Variants in TNFAIP2 observed in about 807,000 individuals in gnomAD.
The protein encoded by TNFAIP2 is tumor necrosis factor alpha-induced protein 2.
Under a neutral mutation model 63.5 loss-of-function variants are expected in TNFAIP2, and 47 were observed. That is an observed-to-expected ratio of 0.74 (90% confidence interval 0.59 to 0.94). The LOEUF is 0.94. Ranked by LOEUF, TNFAIP2 falls within the 40% of genes least tolerant of loss-of-function variation. The pLI is 0.00. For missense variants in TNFAIP2, 787 were observed against 850.2 expected (o/e 0.93, Z 0.92); for synonymous variants, 405 against 390.2 (o/e 1.04, Z -0.45).
upstream of TNFAIP2, chr14:103,123,411 C>T (rs576198438): frequency 1.8e-4 from 27 of 151,724 alleles, no homozygotes; most frequent in African/African-American, 6.3e-4. Context: ...GCGGGCGGGG[C>T]GGGGCTGACT....
Position 103,135,874 on chromosome 14 carries a change from G to A in TNFAIP2, c.*514G>A. 1 of 1,290,388 alleles carries A rather than the reference G, an allele frequency of 7.7e-7. No individual in the cohort carries two copies. Among genetic ancestry groups the A allele is most frequent in the Non-Finnish European group, 1.0e-6 (1 of 989,504 alleles). The allele number at this position is 1,290,388 out of a possible 1,614,324, so 79.9% of individuals were successfully genotyped here. A position where few individuals can be genotyped will look rare whatever the true frequency, so the allele number is the denominator to read the frequency against. On this transcript the variant is annotated 3_prime_UTR_variant, in exon 12 of 12. Coordinates refer to ENST00000560869, the MANE Select transcript of TNFAIP2 (RefSeq NM_006291.4). The surrounding 1 kb of genome is among the most constrained non-coding windows in gnomAD (Gnocchi z 7.6). ...GAAGACAGAACTGGAAGAGAAAGAAGGAAAAGATGAGCTCTCGTCTGGCAG... is the reference window on the plus strand; with the variant it reads ...GAAGACAGAACTGGAAGAGAAAGAAAGAAAAGATGAGCTCTCGTCTGGCAG...
Position 103,130,372 on chromosome 14 carries a change from A to G in TNFAIP2, c.1156A>G (p.Ile386Val), listed in dbSNP as rs939147113. Residue 386 changes from isoleucine to valine, a missense_variant, in exon 6 of 12, where the codon ATA becomes GTA. Transcript: ENST00000560869. ...CATCACGCTGGACTTGGGCTCACAG[A>G]TAAAGCGGGTGCTGCTGGTGGAGCT... ...ESITLDLGSQ[I>V]KRVLLVELPA... is the part of the protein sequence containing the mutation. 3 of 1,570,248 alleles carry G rather than the reference A, an allele frequency of 1.9e-6. No individual in the cohort carries two copies. The highest frequency in any genetic ancestry group is 3.7e-5 in the Admixed American group (2 of 53,414).
In TNFAIP2 at chr14:103,127,025, C is replaced by A; in HGVS notation, c.256C>A (p.Leu86Met). The change falls in exon 3 of 12, where the codon CTG becomes ATG. Residue 86 changes from leucine to methionine, a missense_variant. By Grantham distance (15) the Leu-to-Met change is conservative. Around this residue, in one of 3 missense-constraint regions of TNFAIP2, gnomAD observed 258 missense variants for 228.9 expected, o/e 1.13. Coordinates refer to ENST00000560869, the MANE Select transcript of TNFAIP2 (RefSeq NM_006291.4). This position sits in a 1 kb window ranked among gnomAD's most constrained non-coding sequence, Gnocchi z 5.1. ...PPTVEELKAA[L>M]ERGQLEAARP... is the part of the protein sequence containing the mutation. ...CGCAGTGGAGGAGCTGAAGGCGGCG[C>A]TGGAGCGCGGGCAGCTGGAGGCGGC... The A allele has an allele frequency of 8.5e-7, 1 of 1,180,504 alleles. No homozygotes were observed. Among genetic ancestry groups the A allele is most frequent in the Non-Finnish European group, 1.0e-6 (1 of 952,726 alleles). 73.1% of individuals were successfully genotyped at this position (1,180,504 alleles called of 1,614,324 possible).
chr14:103,135,916 G>T lies in TNFAIP2; in HGVS notation c.*556G>T. On this transcript the variant is annotated 3_prime_UTR_variant, in exon 12 of 12. Transcript: ENST00000560869. The surrounding 1 kb of genome is among the most constrained non-coding windows in gnomAD (Gnocchi z 7.6). ...GTCTGGCAGGGGCTTTTAGGGTCCT[G>T]TGGCGAGCTGTGAGCACCGCCAGCA... The T allele has an allele frequency of 7.8e-7, 1 of 1,289,846 alleles. No individual in the cohort carries two copies. The highest frequency in any genetic ancestry group is 1.0e-6 in the Non-Finnish European group (1 of 989,134). 79.9% of individuals were successfully genotyped at this position (1,289,846 alleles called of 1,614,324 possible).
Position 103,131,269 on chromosome 14 carries a change from C to T in TNFAIP2, c.1298+119C>T, listed in dbSNP as rs889445710. 2 of 1,114,738 alleles carry T rather than the reference C, an allele frequency of 1.8e-6. No homozygotes were observed. Among genetic ancestry groups the T allele is most frequent in the Non-Finnish European group, 2.7e-6 (2 of 752,288 alleles). The allele number at this position is 1,114,738 out of a possible 1,614,324, so 69.1% of individuals were successfully genotyped here. A position where few individuals can be genotyped will look rare whatever the true frequency, so the allele number is the denominator to read the frequency against. On this transcript the variant is annotated intron_variant, in intron 7 of 11. Coordinates refer to ENST00000560869, the MANE Select transcript of TNFAIP2 (RefSeq NM_006291.4). The surrounding 1 kb of genome is among the most constrained non-coding windows in gnomAD (Gnocchi z 4.0). ...CAAGAAGTGGAATTCAAACCAGCAA[C>T]ATGTGTGAGGACTCCACGGCCTGCA...
chr14:103,125,628 G>T (rs565970172), intron 1 of TNFAIP2, among the ~76,000 whole-genome samples: 2 of 152,184 alleles, frequency 1.3e-5, no homozygotes, highest in African/African-American at 4.8e-5. Flanking sequence ...ACTTCAGGCC[G>T]CCCTGTGACT....
intron 1 of TNFAIP2, among the ~76,000 whole-genome samples, chr14:103,124,998 A>G (rs1040765464): frequency 6.6e-6 from 1 of 152,084 alleles, no homozygotes; most frequent in African/African-American, 2.4e-5. Flanking sequence ...CCATGGGAAG[A>G]GTCGGATGGG....
rs1461834611 is a variant in TNFAIP2, at chr14:103,130,107, G to A, written c.1081G>A (p.Ala361Thr). The change falls in exon 5 of 12, where the codon GCC (alanine) becomes ACC (threonine). Residue 361 changes from alanine (A) to threonine (T), a missense_variant. By Grantham distance (58) the Ala-to-Thr change is moderately conservative. Transcript: ENST00000560869. ...RLDGHCHSELAIDIIQITSQA... is the reference protein window; with the variant it reads ...RLDGHCHSELTIDIIQITSQA... ...GGACGGCCACTGCCACAGCGAGCTG[G>A]CCATCGACATCATCCAGGTACTGCA... The A allele has an allele frequency of 6.2e-7, 1 of 1,613,038 alleles. No individual in the cohort carries two copies. The highest frequency in any genetic ancestry group is 8.5e-7 in the Non-Finnish European group (1 of 1,179,738).
chr14:103,126,962 G>A, intron 2 of TNFAIP2, 43 bp from the exon 3 acceptor site: 1 of 1,273,056 alleles, frequency 7.9e-7, no homozygotes, highest in Non-Finnish European at 9.9e-7. Context: ...CGCCCGGTGG[G>A]CGGTGGGCTG....
chr14:103,130,209 C>A, intron 5 of TNFAIP2, 85 bp downstream of exon 5: 1 of 1,554,598 alleles, frequency 6.4e-7, no homozygotes, highest in Non-Finnish European at 8.7e-7. Flanking sequence ...TGTGCATACC[C>A]ATGCCCACCT....
At chr14:103,130,562 GC>G in intron 6 of TNFAIP2, 147 bp downstream of exon 6, 1 of 812,930 alleles carries the variant, frequency 1.2e-6, no homozygotes, top group Non-Finnish European at 1.9e-6. Flanking sequence ...TTCCCACTCA[GC>G]CAGGGCACTG....
At chr14:103,133,647 C>A in intron 10 of TNFAIP2, 35 bp from the exon 11 acceptor site, 1 of 1,549,290 alleles carries the variant, frequency 6.5e-7, no homozygotes, top group Non-Finnish European at 8.7e-7. Flanking sequence ...AGCCTCTGGA[C>A]CCCTGGGTCC....
At chr14:103,134,589 C>G (rs2139571074) in intron 11 of TNFAIP2, among the ~76,000 whole-genome samples, 1 of 151,228 alleles carries the variant, frequency 6.6e-6, no homozygotes, top group South Asian at 2.1e-4. Context: ...ACCACTCACC[C>G]ACCCACCCAT....
intron 2 of TNFAIP2, 34 bp from the exon 3 acceptor site, chr14:103,126,971 T>C: frequency 1.6e-6 from 2 of 1,261,980 alleles, no homozygotes; most frequent in Non-Finnish European, 1.0e-6. Context: ...GGCGGTGGGC[T>C]GGGGCCGGGG....
Position 103,132,888 on chromosome 14 carries a change from G to A in TNFAIP2, c.1545+16G>A, listed in dbSNP as rs374924509. On this transcript the variant is annotated intron_variant, in intron 9 of 11. Transcript: ENST00000560869. ...TTTCCGGGAGGTGAGGAGGCTCTGG[G>A]CTGGTGGCTGGGTCTTGGGGAGTTG... 2.5e-6 allele frequency: 4 copies of A among 1,613,094 alleles called. No individual in the cohort carries two copies. The highest frequency in any genetic ancestry group is 2.7e-5 in the African/African-American group (2 of 75,074).
At chr14:103,128,383 A>G (rs1002524354) in intron 3 of TNFAIP2, among the ~76,000 whole-genome samples, 3 of 152,170 alleles carry the variant, frequency 2.0e-5, no homozygotes, top group African/African-American at 7.2e-5. Flanking sequence ...CCTGCTGAGT[A>G]CAGCCTCAGG....
intron 2 of TNFAIP2, 60 bp downstream of exon 2, chr14:103,126,752 G>A: frequency 2.0e-6 from 3 of 1,482,712 alleles, no homozygotes; most frequent in East Asian, 4.8e-5. Context: ...GCGCTCATCC[G>A]CGTGAGTGAG....
chr14:103,134,021 T>A (rs568537134), intron 11 of TNFAIP2, among the ~76,000 whole-genome samples: 2 of 152,344 alleles, frequency 1.3e-5, no homozygotes, highest in Non-Finnish European at 2.9e-5. Flanking sequence ...ACAGGATGTG[T>A]CCAAGGTGAC....
chr14:103,136,056 C>A lies in TNFAIP2; in HGVS notation c.*696C>A. On this transcript the variant is annotated 3_prime_UTR_variant, in exon 12 of 12. Coordinates refer to ENST00000560869, the MANE Select transcript of TNFAIP2 (RefSeq NM_006291.4). ...CAACTAGAGGGTGGTCCCCCGAGGG[C>A]TTGGTGTCTACTACCGAAGGGCCCA... The A allele has an allele frequency of 1.6e-6, 2 of 1,242,262 alleles. No homozygotes were observed. The highest frequency in any genetic ancestry group is 2.7e-5 in the South Asian group (2 of 74,816). The allele number at this position is 1,242,262 out of a possible 1,614,324, so 77.0% of individuals were successfully genotyped here. A position where few individuals can be genotyped will look rare whatever the true frequency, so the allele number is the denominator to read the frequency against.
Sources: gnomAD v4.1 joint callset for allele counts (sites outside exome capture counted in the v4.1 genomes callset) on GRCh38, gnomAD v4.1.1 for gene constraint, gnomAD v4.1.1 regional missense constraint, Gnocchi (gnomAD v3.1) non-coding constraint, MANE v1.5 for transcripts, NCBI Gene and HGNC (gene_info 2026-07-23, HGNC 2026-07-21) for gene names.